The following RHOA variants were observed in gnomAD, a reference collection of about 807,000 sequenced individuals.
The protein encoded by RHOA is ras homolog family member A.
A neutral mutation model predicts 17.5 loss-of-function variants in RHOA; 3 were observed. The observed-to-expected ratio is 0.17, with a 90% CI of 0.08 to 0.44. The LOEUF (loss-of-function observed/expected upper bound fraction) is 0.44. RHOA is among the 20% of genes least tolerant of loss of function. The pLI is 0.99. For missense variants in RHOA, 56 were observed against 242.3 expected (o/e 0.23, Z 5.10); for synonymous variants, 98 against 88.4 (o/e 1.11, Z -0.61).
At chr3:49,402,023 T>G (rs1324252897) in intron 1 of RHOA, among the ~76,000 whole-genome samples, 2 of 152,138 alleles carry the variant, frequency 1.3e-5, no homozygotes, top group Non-Finnish European at 2.9e-5. Context: ...CACATGGTGG[T>G]AAGCAATGAA....
At chr3:49,407,640 A>G (rs1272352667) in intron 1 of RHOA, among the ~76,000 whole-genome samples, 1 of 151,964 alleles carries the variant, frequency 6.6e-6, no homozygotes, top group Admixed American at 6.6e-5. Context: ...TTTTTTTAAT[A>G]TCAGATCATG....
intron 1 of RHOA, among the ~76,000 whole-genome samples, chr3:49,391,293 G>T (rs2048501370): frequency 6.6e-6 from 1 of 151,292 alleles, no homozygotes; most frequent in African/African-American, 2.4e-5. Flanking sequence ...TAGGGAGGCT[G>T]AGGCAGGAAG....
chr3:49,369,722 G>A (rs975979679), intron 2 of RHOA, among the ~76,000 whole-genome samples: 6 of 147,928 alleles, frequency 4.1e-5, no homozygotes, highest in African/African-American at 1.2e-4. Context: ...CAGCATGGGC[G>A]ACAAAGCGAG....
chr3:49,386,900 G>A (rs115171528), intron 1 of RHOA, among the ~76,000 whole-genome samples: 1,566 of 146,726 alleles, frequency 0.011, 24 homozygotes, highest in Middle Eastern at 0.034. Context: ...ATCACCTGAC[G>A]TCAGGAAATC....
intron 1 of RHOA, among the ~76,000 whole-genome samples, chr3:49,394,660 T>G (rs1283248629): frequency 6.6e-6 from 1 of 152,084 alleles, no homozygotes; most frequent in Non-Finnish European, 1.5e-5. Flanking sequence ...CACAAACCAC[T>G]GTCTTCTATG....
At chr3:49,404,774 A>G (rs1474686885) in intron 1 of RHOA, among the ~76,000 whole-genome samples, 1 of 131,514 alleles carries the variant, frequency 7.6e-6, no homozygotes, top group Non-Finnish European at 1.7e-5. Context: ...ACTAAAATAC[A>G]AAAAAAAAAA....
intron 3 of RHOA, among the ~76,000 whole-genome samples, chr3:49,363,024 C>T (rs2047995441): frequency 6.6e-6 from 1 of 152,202 alleles, no homozygotes; most frequent in Non-Finnish European, 1.5e-5. Flanking sequence ...CATTCTAGGG[C>T]AGCAGCTGAC....
intron 1 of RHOA, among the ~76,000 whole-genome samples, chr3:49,376,686 G>A (rs1195414602): frequency 1.3e-5 from 2 of 151,238 alleles, no homozygotes; most frequent in African/African-American, 4.9e-5. Context: ...TGTCAAGCAG[G>A]GTAAAAACAA....
chr3:49,386,829 ATGACCG>A (rs552703425), intron 1 of RHOA, among the ~76,000 whole-genome samples: 47 of 152,102 alleles, frequency 3.1e-4, no homozygotes, highest in Admixed American at 1.6e-3. Flanking sequence ...AAACTGTTAC[ATGACCG>A]GGCGTGGCAG....
chr3:49,411,072 C>T (rs1324111666), intron 1 of RHOA, among the ~76,000 whole-genome samples: 1 of 152,196 alleles, frequency 6.6e-6, no homozygotes, highest in East Asian at 1.9e-4. Flanking sequence ...CTAATCAATA[C>T]AGCGACTTCG....
intron 1 of RHOA, among the ~76,000 whole-genome samples, chr3:49,396,793 C>T (rs138778134): frequency 3.3e-5 from 5 of 151,756 alleles, no homozygotes; most frequent in African/African-American, 7.3e-5. Flanking sequence ...AACACCAGCC[C>T]GGGCAACATA....
At chr3:49,397,978 T>A (rs1007816065) in intron 1 of RHOA, among the ~76,000 whole-genome samples, 3 of 152,168 alleles carry the variant, frequency 2.0e-5, no homozygotes, top group Non-Finnish European at 4.4e-5. Flanking sequence ...GCAGCCACCT[T>A]TGAGGTCAAG....
At chr3:49,399,383 G>A (rs1195492527) in intron 1 of RHOA, among the ~76,000 whole-genome samples, 1 of 145,936 alleles carries the variant, frequency 6.9e-6, no homozygotes, top group African/African-American at 2.5e-5. Context: ...AAAAAAAAAA[G>A]TGTGTTAACA....
At chr3:49,403,807 G>A (rs1241811472) in intron 1 of RHOA, among the ~76,000 whole-genome samples, 1 of 152,012 alleles carries the variant, frequency 6.6e-6, no homozygotes, top group East Asian at 1.9e-4. Context: ...CCTCCATGAA[G>A]GTAATTAAAC....
At chr3:49,407,465 C>G (rs1252166029) in intron 1 of RHOA, among the ~76,000 whole-genome samples, 3 of 152,060 alleles carry the variant, frequency 2.0e-5, no homozygotes, top group Non-Finnish European at 2.9e-5. Flanking sequence ...AACTCCTGAC[C>G]TCAAGTGATC....
intron 1 of RHOA, among the ~76,000 whole-genome samples, chr3:49,391,823 CTTTTTTTTT>C (rs59591685): frequency 8.0e-5 from 8 of 99,672 alleles, no homozygotes; most frequent in Non-Finnish European, 1.4e-4. Flanking sequence ...ATTAATTTAT[CTTTTTTTTT>C]TTTTTTTTTT....
chr3:49,398,395 G>T (rs1449836880), intron 1 of RHOA, among the ~76,000 whole-genome samples: 2 of 151,898 alleles, frequency 1.3e-5, no homozygotes, highest in Non-Finnish European at 2.9e-5. Context: ...ATTTTGCCAG[G>T]TAACATAAAA....
At chr3:49,382,537 A>G (rs2048334492) in intron 1 of RHOA, among the ~76,000 whole-genome samples, 1 of 151,900 alleles carries the variant, frequency 6.6e-6, no homozygotes, top group Admixed American at 6.6e-5. Flanking sequence ...TCAGGAGGCT[A>G]AGATGGGAGG....
chr3:49,382,750 T>C (rs551034829), intron 1 of RHOA, among the ~76,000 whole-genome samples: 7 of 152,142 alleles, frequency 4.6e-5, no homozygotes, highest in Non-Finnish European at 8.8e-5. Flanking sequence ...TCAACAGGAA[T>C]TCCCCAGTTC....
Sources: gnomAD v4.1 joint callset for allele counts (sites outside exome capture counted in the v4.1 genomes callset) on GRCh38, gnomAD v4.1.1 for gene constraint, MANE v1.5 for transcripts, NCBI Gene and HGNC (gene_info 2026-07-23, HGNC 2026-07-21) for gene names.